Variants in COL4A4 observed in about 807,000 individuals in gnomAD.
COL4A4 encodes collagen alpha-4(IV) chain.
In COL4A4, 105 loss-of-function variants were observed where a neutral mutation model predicts 192.9. The ratio of observed to expected loss-of-function variants is 0.54; its 90% CI spans 0.46 to 0.64. COL4A4 has a LOEUF of 0.64. Among genes scored for constraint, COL4A4 ranks in the 30% least tolerant of loss-of-function variants. The pLI is 0.00. For missense variants in COL4A4, 1,967 were observed against 2,169.3 expected, an observed-to-expected ratio of 0.91 and a Z score of 1.85; for synonymous variants, 762 against 769.9, an observed-to-expected ratio of 0.99 and a Z score of 0.17.
rs757423567 is a variant in COL4A4 at position 227,089,966 on chromosome 2, G to A, written c.1370-9C>T. The A allele has an allele frequency of 5.0e-6, 8 of 1,605,582 alleles. No individual in the cohort carries two copies. The highest frequency in any genetic ancestry group is 3.3e-4 in the Middle Eastern group (2 of 6,074). On this transcript the variant is annotated splice_polypyrimidine_tract_variant and intron_variant, in intron 20 of 47. Transcript: ENST00000396625. ...AACACTACAGTATATCACTGTCAAG[G>A]AGGTAAGGGGGTGGGCAGAGAGAAT...
At chr2:226,990,835 T>C in the COL4A4 span, among the ~76,000 whole-genome samples, 1 of 152,212 alleles carries the variant, frequency 6.6e-6, no homozygotes, top group Non-Finnish European at 1.5e-5. Context: ...AATTGAGGGC[T>C]GACCTCCATT....
intron 4 of COL4A4, among the ~76,000 whole-genome samples, chr2:227,130,010 A>C (rs1019544573): frequency 6.6e-6 from 1 of 152,170 alleles, no homozygotes; most frequent in African/African-American, 2.4e-5. Context: ...AACATCACTC[A>C]CGAATCCTTT....
intron 25 of COL4A4, among the ~76,000 whole-genome samples, chr2:227,065,103 T>C (rs2058222915): frequency 6.6e-6 from 1 of 152,148 alleles, no homozygotes; most frequent in Non-Finnish European, 1.5e-5. Flanking sequence ...GAGTTCCCTT[T>C]CCTAGTCAAA....
intron 20 of COL4A4, among the ~76,000 whole-genome samples, chr2:227,093,269 T>C (rs1213270344): frequency 6.6e-6 from 1 of 151,996 alleles, no homozygotes; most frequent in Non-Finnish European, 1.5e-5. Context: ...ACCTTCATAA[T>C]GCTAATAAAA....
intron 3 of COL4A4, among the ~76,000 whole-genome samples, chr2:227,142,374 C>G (rs2063277442): frequency 6.6e-6 from 1 of 152,138 alleles, no homozygotes; most frequent in Non-Finnish European, 1.5e-5. Context: ...CTCTCGGAAA[C>G]TAATGTTACT....
chr2:227,072,280 G>A (rs1417866361), intron 25 of COL4A4, among the ~76,000 whole-genome samples: 1 of 151,798 alleles, frequency 6.6e-6, no homozygotes, highest in Non-Finnish European at 1.5e-5. Context: ...ATACCTTTAT[G>A]TACACAAACT....
chr2:227,124,350 A>C (rs2061968197), intron 4 of COL4A4, among the ~76,000 whole-genome samples: 1 of 152,236 alleles, frequency 6.6e-6, no homozygotes, highest in Admixed American at 6.5e-5. Context: ...CTTTGTGTAC[A>C]TCTTACCATC....
chr2:227,080,377 G>A lies in COL4A4; in HGVS notation c.1803+66C>T, dbSNP rs183974937. 9.4e-5 allele frequency: 130 copies of A among 1,377,298 alleles called. No homozygotes were observed. The East Asian group carries it at 2.9e-3, about 31-fold the overall frequency. The allele number at this position is 1,377,298 out of a possible 1,614,324, so 85.3% of individuals were successfully genotyped here. On this transcript the variant is annotated intron_variant, in intron 24 of 47. Coordinates refer to ENST00000396625, the MANE Select transcript of COL4A4 (RefSeq NM_000092.5). ...TTCAGCTTGGCAAATAGAGAAAGGG[G>A]AAATAGTTGTTTGTATGACCATATA...
At chr2:227,000,585 G>GAGA (rs1287282805), downstream of COL4A4, among the ~76,000 whole-genome samples, 2 of 152,146 alleles carry the variant, frequency 1.3e-5, no homozygotes, top group African/African-American at 4.8e-5. Context: ...TGGCAAATGG[G>GAGA]AGAACAAAAA....
At chr2:227,080,126 A>C (rs2059242701) in intron 24 of COL4A4, among the ~76,000 whole-genome samples, 1 of 152,170 alleles carries the variant, frequency 6.6e-6, no homozygotes, top group African/African-American at 2.4e-5. Flanking sequence ...AGTCAACTGA[A>C]TACACCTAAA....
chr2:227,028,012 T>A lies in COL4A4; in HGVS notation c.3974-3A>T. On this transcript the variant is annotated splice_polypyrimidine_tract_variant and splice_region_variant and intron_variant, in intron 41 of 47. Transcript: ENST00000396625. Reference sequence around the variant, plus strand: ...CGGTCCCGGGAATCCCACTGGTCCTTAAAAAAAAACAAAACATAAAAATGA... The same window carrying A: ...CGGTCCCGGGAATCCCACTGGTCCTAAAAAAAAAACAAAACATAAAAATGA... 1.4e-6 allele frequency: 2 copies of A among 1,448,082 alleles called. No homozygotes were observed. Among genetic ancestry groups the A allele is most frequent in the South Asian group, 1.3e-5 (1 of 79,872 alleles). The allele number at this position is 1,448,082 out of a possible 1,614,324, so 89.7% of individuals were successfully genotyped here. A position where few individuals can be genotyped will look rare whatever the true frequency, so the allele number is the denominator to read the frequency against.
chr2:227,097,691 G>C (rs1476464493), intron 19 of COL4A4, among the ~76,000 whole-genome samples: 1 of 152,102 alleles, frequency 6.6e-6, no homozygotes, highest in African/African-American at 2.4e-5. Context: ...TATACTCCTG[G>C]GTCAGTTAGG....
intron 35 of COL4A4, among the ~76,000 whole-genome samples, chr2:227,045,658 A>G (rs1228076845): frequency 6.7e-5 from 10 of 150,276 alleles, no homozygotes; most frequent in Non-Finnish European, 1.5e-4. Context: ...AGTCCCAGCT[A>G]CTTGGGAGGC....
downstream of COL4A4, among the ~76,000 whole-genome samples, chr2:227,002,525 TGCGC>T (rs754397729): frequency 2.8e-4 from 42 of 152,246 alleles, no homozygotes; most frequent in Non-Finnish European, 4.1e-4. Context: ...ATTTCTCTTC[TGCGC>T]GCCATCACTG....
chr2:227,160,488 G>A (rs1215807013), intron 1 of COL4A4, among the ~76,000 whole-genome samples: 1 of 152,102 alleles, frequency 6.6e-6, no homozygotes, highest in African/African-American at 2.4e-5. Flanking sequence ...GGTGATTAGA[G>A]AAGATGTTGA....
At chr2:227,141,806 A>G (rs1644748649) in intron 3 of COL4A4, among the ~76,000 whole-genome samples, 1 of 152,108 alleles carries the variant, frequency 6.6e-6, no homozygotes, top group African/African-American at 2.4e-5. Flanking sequence ...CACCCTGATA[A>G]GGTTAAAAAA....
chr2:226,988,808 A>T, the COL4A4 span: 1 of 674,276 alleles, frequency 1.5e-6, no homozygotes. Flanking sequence ...AATACTTGAG[A>T]GTTAACTACC....
intron 19 of COL4A4, among the ~76,000 whole-genome samples, chr2:227,095,197 T>A (rs2060145121): frequency 6.6e-6 from 1 of 152,186 alleles, no homozygotes; most frequent in African/African-American, 2.4e-5. Flanking sequence ...CTTGATAACT[T>A]GGTAAAAATA....
intron 4 of COL4A4, among the ~76,000 whole-genome samples, chr2:227,130,821 C>T (rs1391020748): frequency 6.6e-6 from 1 of 152,200 alleles, no homozygotes; most frequent in Non-Finnish European, 1.5e-5. Flanking sequence ...TTACACCTCT[C>T]CTGGGAGGCC....
Sources: allele counts gnomAD v4.1 joint callset (sites outside exome capture counted in the v4.1 genomes callset), GRCh38; gene constraint gnomAD v4.1.1; transcripts MANE v1.5; gene names NCBI Gene and HGNC (gene_info 2026-07-23, HGNC 2026-07-21).